The following BICD1 variants were observed in gnomAD, a reference collection of about 807,000 sequenced individuals.
BICD1 encodes the protein protein bicaudal D homolog 1.
BICD1 carries 35 observed loss-of-function variants against 92.5 expected under a neutral mutation model. The observed-to-expected ratio is 0.38, with a 90% confidence interval of 0.29 to 0.50. The LOEUF is 0.50. BICD1 is among the 20% of genes least tolerant of loss of function. The probability of loss-of-function intolerance (pLI) is 0.93; values close to 1 mark genes in which losing one functional copy is unlikely to be tolerated. For missense variants in BICD1, 950 were observed against 1,189.8 expected (o/e 0.80, Z 2.97); for synonymous variants, 429 against 465.1 (o/e 0.92, Z 1.00).
intron 1 of BICD1, among the ~76,000 whole-genome samples, chr12:32,179,516 G>A (rs566489219): frequency 2.0e-5 from 3 of 151,818 alleles, no homozygotes; most frequent in Admixed American, 1.3e-4. Context: ...TGTGCTAGCC[G>A]GTGCTTAAAG....
At chr12:32,220,583 G>A (rs1213379014) in intron 2 of BICD1, among the ~76,000 whole-genome samples, 1 of 150,458 alleles carries the variant, frequency 6.6e-6, no homozygotes, top group Non-Finnish European at 1.5e-5. Flanking sequence ...TCATTAAAAA[G>A]TCAGGAAACA....
chr12:32,318,123 T>A (rs1948554305), intron 4 of BICD1, among the ~76,000 whole-genome samples: 1 of 152,000 alleles, frequency 6.6e-6, no homozygotes, highest in South Asian at 2.1e-4. Context: ...AGCCTTGTAG[T>A]ATAGTTTGAA....
chr12:32,340,456 T>C (rs879825596), intron 8 of BICD1: 1 of 985,314 alleles, frequency 1.0e-6, no homozygotes, highest in Non-Finnish European at 1.2e-6. Context: ...AACCCACAAG[T>C]CTTCTTTTTA....
At chr12:32,134,247 G>C (rs1942652760) in intron 1 of BICD1, among the ~76,000 whole-genome samples, 1 of 152,182 alleles carries the variant, frequency 6.6e-6, no homozygotes, top group South Asian at 2.1e-4. Context: ...CCCTACCATG[G>C]AACTTGGTAA....
chr12:32,242,930 A>G (rs113683027), intron 2 of BICD1, among the ~76,000 whole-genome samples: 9 of 152,248 alleles, frequency 5.9e-5, no homozygotes, highest in African/African-American at 2.2e-4. Flanking sequence ...TTAGCTATTA[A>G]GTGGGAATAA....
In BICD1 at chr12:32,338,463, G is replaced by C. The variant is rs570911869; in HGVS notation, c.2571-323G>C. The C allele has an allele frequency of 1.3e-5, 3 of 222,550 alleles. No individual in the cohort carries two copies. The South Asian group carries it at 2.8e-4, about 21-fold the overall frequency. The allele number at this position is 222,550 out of a possible 1,614,324, so 13.8% of individuals were successfully genotyped here. A position where few individuals can be genotyped will look rare whatever the true frequency, so the allele number is the denominator to read the frequency against. On this transcript the variant is annotated intron_variant, in intron 7 of 9. Transcript: ENST00000652176. ...GGGCTTGATTTTGTGAGTCCTGGCT[G>C]TTGAGTTACTTACCCTGTATTTTCG...
chr12:32,357,008 C>A (rs1286663604), intron 8 of BICD1, among the ~76,000 whole-genome samples: 1 of 138,528 alleles, frequency 7.2e-6, no homozygotes, highest in Non-Finnish European at 1.5e-5. Context: ...TGCAGATTCT[C>A]CTGCTTTTTT....
chr12:32,276,995 C>G (rs1486812389), intron 2 of BICD1, among the ~76,000 whole-genome samples: 1 of 152,162 alleles, frequency 6.6e-6, no homozygotes, highest in Non-Finnish European at 1.5e-5. Flanking sequence ...GGACGTCCCC[C>G]CCTACTTTTA....
intron 1 of BICD1, among the ~76,000 whole-genome samples, chr12:32,152,470 C>T (rs1298500649): frequency 2.6e-5 from 4 of 152,122 alleles, no homozygotes; most frequent in African/African-American, 7.2e-5. Context: ...AAGTGATCCT[C>T]CTGCCTCAGC....
intron 8 of BICD1, among the ~76,000 whole-genome samples, chr12:32,341,058 A>T (rs561384324): frequency 3.3e-5 from 5 of 152,300 alleles, no homozygotes; most frequent in Admixed American, 1.3e-4. Context: ...CTTTATCCAC[A>T]CTGTGCACAT....
chr12:32,305,669 T>G, intron 3 of BICD1, 28 bp from the exon 4 acceptor site: 2 of 1,550,142 alleles, frequency 1.3e-6, no homozygotes, highest in Non-Finnish European at 1.7e-6. Flanking sequence ...TTTAGTTTTA[T>G]GAATCTTCTT....
chr12:32,255,276 A>G (rs944046260), intron 2 of BICD1, among the ~76,000 whole-genome samples: 1 of 152,012 alleles, frequency 6.6e-6, no homozygotes, highest in Non-Finnish European at 1.5e-5. Context: ...GCCTCATCCA[A>G]TCCCATTTAA....
chr12:32,328,462 C>T lies in BICD1; in HGVS notation c.2007C>T (p.Ala669=). The T allele has an allele frequency of 5.6e-6, 9 of 1,614,164 alleles. No individual in the cohort carries two copies. The highest frequency in any genetic ancestry group is 7.6e-6 in the Non-Finnish European group (9 of 1,180,026). The change falls in exon 5 of 10, where the codon GCC becomes GCT. Residue 669 remains alanine (A), a synonymous_variant. Transcript: ENST00000652176. The surrounding 1 kb of genome is among the most constrained non-coding windows in gnomAD (Gnocchi z 4.4). ...CCATGATTGATAAAGACAAGGAAGC[C>T]TTAATGGAAGAGATCCTCAAGCTAA... ...LAPMIDKDKE[A]LMEEILKLKS... is the part of the protein sequence containing the mutation.
At chr12:32,332,368 C>A in intron 5 of BICD1, 1 of 844,750 alleles carries the variant, frequency 1.2e-6, no homozygotes, top group Non-Finnish European at 1.4e-6. Flanking sequence ...TGCAGCTGTA[C>A]CCCTGAACTT....
At chr12:32,336,453 GTTTT>G (rs1419615400) in intron 6 of BICD1, among the ~76,000 whole-genome samples, 1 of 152,016 alleles carries the variant, frequency 6.6e-6, no homozygotes, top group Non-Finnish European at 1.5e-5. Context: ...TCTGTTTTTT[GTTTT>G]TTGACAACTC....
intron 2 of BICD1, among the ~76,000 whole-genome samples, chr12:32,234,852 T>A (rs113090113): frequency 0.067 from 10,182 of 151,646 alleles, 1,155 homozygotes; most frequent in African/African-American, 0.23. Flanking sequence ...ACCTGAATAA[T>A]TTTTATATTT....
intron 2 of BICD1, among the ~76,000 whole-genome samples, chr12:32,282,308 C>A (rs536904665): frequency 1.4e-5 from 2 of 146,918 alleles, no homozygotes; most frequent in African/African-American, 5.1e-5. Context: ...ATAGCCTCCA[C>A]CTCCTGGACT....
At chr12:32,316,186 A>G (rs574610756) in intron 4 of BICD1, among the ~76,000 whole-genome samples, 2 of 151,828 alleles carry the variant, frequency 1.3e-5, no homozygotes, top group East Asian at 3.9e-4. Context: ...GCCCAACTGT[A>G]GGCTAACGTA....
intron 9 of BICD1, among the ~76,000 whole-genome samples, chr12:32,376,086 ATTTTT>A (rs11378740): frequency 7.1e-6 from 1 of 140,486 alleles, no homozygotes; most frequent in Non-Finnish European, 1.5e-5. Context: ...TGCTAGTCAC[ATTTTT>A]TTTTTTTTTT....
Sources: gnomAD v4.1 joint callset for allele counts (sites outside exome capture counted in the v4.1 genomes callset) on GRCh38, gnomAD v4.1.1 for gene constraint, Gnocchi (gnomAD v3.1) non-coding constraint, MANE v1.5 for transcripts, NCBI Gene and HGNC (gene_info 2026-07-23, HGNC 2026-07-21) for gene names.